The following HNRNPH1 variants were observed in gnomAD, a reference collection of about 807,000 sequenced individuals.
HNRNPH1 encodes heterogeneous nuclear ribonucleoprotein H1.
HNRNPH1 carries 4 observed loss-of-function variants against 58.6 expected under a neutral mutation model. That is an observed-to-expected ratio of 0.07 (90% CI 0.03 to 0.16). The LOEUF (loss-of-function observed/expected upper bound fraction) is 0.16, where lower values mean the gene tolerates loss of function less well. HNRNPH1 is among the 10% of genes least tolerant of loss of function. HNRNPH1 has a pLI of 1.00. For synonymous variants in HNRNPH1, 192 were observed against 189.2 expected (o/e 1.01, Z -0.12); for missense variants, 271 against 564.2 (o/e 0.48, Z 5.26).
At chr5:179,626,734 T>A (rs1410298322), upstream of HNRNPH1, among the ~76,000 whole-genome samples, 1 of 149,412 alleles carries the variant, frequency 6.7e-6, no homozygotes, top group Non-Finnish European at 1.5e-5. Context: ...AAAAAAAAAA[T>A]TCATCATCTT....
At chr5:179,629,169 C>A (rs945084952), upstream of HNRNPH1, 2 of 150,972 alleles carry the variant, frequency 1.3e-5, no homozygotes, top group South Asian at 4.2e-4. Context: ...TGGTGGCGGG[C>A]GCCTGTAGTC....
chr5:179,618,811 G>A (rs1160593402), intron 4 of HNRNPH1: 1 of 157,958 alleles, frequency 6.3e-6, no homozygotes, highest in East Asian at 1.9e-4. Flanking sequence ...CAAGCAAAGA[G>A]AATAAAACCT....
chr5:179,619,028 CTATT>C, intron 4 of HNRNPH1: 1 of 320,830 alleles, frequency 3.1e-6, no homozygotes, highest in Non-Finnish European at 5.7e-6. Context: ...TCTCTCAACT[CTATT>C]GATTGGGGTT....
chr5:179,620,600 T>G, intron 3 of HNRNPH1: 1 of 311,774 alleles, frequency 3.2e-6, no homozygotes, highest in South Asian at 4.9e-5. Context: ...TTGAGGTACT[T>G]AGCTGGACAC....
intron 8 of HNRNPH1, 183 bp from the exon 10 acceptor site, chr5:179,617,293 A>C: frequency 1.4e-6 from 1 of 726,634 alleles, no homozygotes; most frequent in Non-Finnish European, 2.3e-6. Context: ...ATTCATCTGT[A>C]TTGTCAATTA....
intron 2 of HNRNPH1, among the ~76,000 whole-genome samples, chr5:179,630,643 G>T (rs1774754369): frequency 6.6e-6 from 1 of 152,118 alleles, no homozygotes; most frequent in Admixed American, 6.6e-5. Context: ...CTGACGCGGG[G>T]GCTCACGCCT....
intron 12 of HNRNPH1, 182 bp downstream of exon 13, chr5:179,615,361 CTCT>C (rs1769018294): frequency 2.0e-6 from 1 of 503,402 alleles, no homozygotes; most frequent in African/African-American, 1.9e-5. Flanking sequence ...CAGGGGAAGT[CTCT>C]TGCTTTTCCT....
chr5:179,619,301 A>T (rs1771212346), exon 4 of HNRNPH1: 2 of 1,613,386 alleles, frequency 1.2e-6, no homozygotes, highest in Non-Finnish European at 8.5e-7. Flanking sequence ...GTTTCTTTAG[A>T]GCCTTTTCAG....
intron 1 of HNRNPH1, chr5:179,621,769 T>C (rs990566335): frequency 2.7e-6 from 1 of 369,050 alleles, no homozygotes; most frequent in African/African-American, 2.1e-5. Flanking sequence ...GTCTGGGGCA[T>C]TTATCCGTTT....
intron 3 of HNRNPH1, chr5:179,619,673 GAACAC>G (rs1771343765): frequency 3.8e-6 from 1 of 259,908 alleles, no homozygotes; most frequent in East Asian, 6.8e-5. Flanking sequence ...AACAACTTAA[GAACAC>G]ATATCTATGC....
chr5:179,618,317 A>G, exon 5 of HNRNPH1: 1 of 1,608,126 alleles, frequency 6.2e-7, no homozygotes, highest in Non-Finnish European at 8.5e-7. Flanking sequence ...TAAAGATTTC[A>G]ATATACCTAA....
At chr5:179,621,074 T>C (rs772752602) in intron 2 of HNRNPH1, 39 bp from the exon 4 acceptor site, 3 of 1,604,728 alleles carry the variant, frequency 1.9e-6, no homozygotes, top group African/African-American at 1.3e-5. Flanking sequence ...TTTGGAAAAT[T>C]AGATAACAAA....
At chr5:179,616,292 C>A in intron 10 of HNRNPH1, 74 bp from the exon 12 acceptor site, 1 of 1,135,362 alleles carries the variant, frequency 8.8e-7, no homozygotes, top group Non-Finnish European at 1.3e-6. Context: ...GCTTGTAATT[C>A]TATAGCTATC....
exon 1 of HNRNPH1, chr5:179,624,328 G>T: frequency 2.5e-6 from 1 of 394,618 alleles, no homozygotes; most frequent in Non-Finnish European, 4.5e-6. Context: ...TGCCGTCGTC[G>T]GGCCTAGGGC....
intron 12 of HNRNPH1, chr5:179,615,247 C>A: frequency 2.3e-6 from 1 of 425,766 alleles, no homozygotes. Flanking sequence ...TCAAAAATTG[C>A]AAAATTACTT....
exon 8 of HNRNPH1, chr5:179,617,562 T>C: frequency 6.2e-7 from 1 of 1,614,110 alleles, no homozygotes; most frequent in Non-Finnish European, 8.5e-7. Context: ...TCTTCATGAG[T>C]TGCGAACTCG....
chr5:179,632,339 T>A (rs1442844503), intron 2 of HNRNPH1, among the ~76,000 whole-genome samples: 2 of 151,436 alleles, frequency 1.3e-5, no homozygotes, highest in Non-Finnish European at 2.9e-5. Context: ...GAAAAGGGCG[T>A]CTCGGTTAGA....
chr5:179,624,316 C>A, exon 1 of HNRNPH1: 1 of 393,382 alleles, frequency 2.5e-6, no homozygotes, highest in Non-Finnish European at 4.5e-6. Context: ...CTTCCCCTTA[C>A]CTGCCGTCGT....
intron 2 of HNRNPH1, among the ~76,000 whole-genome samples, chr5:179,632,262 C>G (rs1219615513): frequency 6.6e-6 from 1 of 151,434 alleles, no homozygotes; most frequent in Non-Finnish European, 1.5e-5. Flanking sequence ...GAGCCAAGAT[C>G]CCGCCACCGC....
Sources: gnomAD v4.1 joint callset for allele counts (sites outside exome capture counted in the v4.1 genomes callset) on GRCh38, gnomAD v4.1.1 for gene constraint, MANE v1.5 for transcripts, NCBI Gene and HGNC (gene_info 2026-07-23, HGNC 2026-07-21) for gene names.